NSL1: variants seen among roughly 807,000 people sequenced by gnomAD.
NSL1 encodes the protein kinetochore-associated protein NSL1 homolog.
NSL1 carries 11 observed loss-of-function variants against 25.4 expected under a neutral mutation model. The ratio of observed to expected loss-of-function variants is 0.43; its 90% CI spans 0.27 to 0.72. The LOEUF is 0.72. Ranked by LOEUF, NSL1 falls within the 30% of genes least tolerant of loss-of-function variation. The pLI is 0.19. For missense variants in NSL1, 330 were observed against 342.7 expected (o/e 0.96, Z 0.29); for synonymous variants, 118 against 120.6 (o/e 0.98, Z 0.14).
chr1:212,782,942 A>G (rs1660790241), intron 3 of NSL1, among the ~76,000 whole-genome samples: 1 of 152,170 alleles, frequency 6.6e-6, no homozygotes, highest in Admixed American at 6.5e-5. Flanking sequence ...AGAAAGAGGA[A>G]ATTGCTCTTC....
intron 4 of NSL1, among the ~76,000 whole-genome samples, chr1:212,742,935 C>CAA (rs1658569383): frequency 6.6e-6 from 1 of 152,112 alleles, no homozygotes; most frequent in Non-Finnish European, 1.5e-5. Flanking sequence ...AATTCAGTAA[C>CAA]ATTTGGTTCT....
chr1:212,745,407 A>AT (rs1451625666), intron 4 of NSL1, among the ~76,000 whole-genome samples: 1 of 152,096 alleles, frequency 6.6e-6, no homozygotes, highest in Non-Finnish European at 1.5e-5. Flanking sequence ...GGAAAGCCAC[A>AT]TCAAGATACA....
At position 212,738,434 on chromosome 1, in the gene NSL1, G is replaced by A; in HGVS notation, c.820C>T (p.Pro274Ser). Residue 274 changes from proline to serine, a missense_variant, in exon 6 of 6, where the codon CCA becomes TCA. By Grantham distance (74) the Pro-to-Ser change is moderately conservative. Coordinates refer to ENST00000366977, the MANE Select transcript of NSL1 (RefSeq NM_015471.4). ...CATGTATCAAGATTAATTTTCTTTGGCCGCAATGGATACCATTTTCTCTGG... is the reference window on the plus strand; with the variant it reads ...CATGTATCAAGATTAATTTTCTTTGACCGCAATGGATACCATTTTCTCTGG... ...CPQRKWYPLR[P>S]KKINLDT 8.7e-6 allele frequency: 14 copies of A among 1,612,432 alleles called. No individual in the cohort carries two copies. Among genetic ancestry groups the A allele is most frequent in the Non-Finnish European group, 1.2e-5 (14 of 1,179,498 alleles).
At position 212,727,361 on chromosome 1, in the gene NSL1, G is replaced by T. The variant is rs1304547814; in HGVS notation, c.*11047C>A. 20 of 985,304 alleles carry T rather than the reference G, an allele frequency of 2.0e-5. No individual in the cohort carries two copies. Among genetic ancestry groups the T allele is most frequent in the Non-Finnish European group, 2.4e-5 (20 of 829,930 alleles). The allele number at this position is 985,304 out of a possible 1,614,324, so 61.0% of individuals were successfully genotyped here. A position where few individuals can be genotyped will look rare whatever the true frequency, so the allele number is the denominator to read the frequency against. On this transcript the variant is annotated 3_prime_UTR_variant, in exon 6 of 6. Transcript: ENST00000366977. The stretch of plus-strand genomic sequence containing the variant: ...AGTCCTGGCACTCAGCACATGGCAG[G>T]AAGGTCACTTAACCAGGGAAATAAG...
intron 4 of NSL1, among the ~76,000 whole-genome samples, chr1:212,743,406 G>A (rs6669492): frequency 0.41 from 61,414 of 150,896 alleles, 14,115 homozygotes; most frequent in Non-Finnish European, 0.51. Context: ...CTTGTGATCC[G>A]CCCGCCTTGG....
At chr1:212,774,341 A>G (rs115701686) in intron 4 of NSL1, among the ~76,000 whole-genome samples, 3,467 of 152,356 alleles carry the variant, frequency 0.023, 63 homozygotes, top group South Asian at 0.041. Context: ...ATGTATCAAA[A>G]TATCACATGT....
Position 212,779,712 on chromosome 1 carries a change from C to T in NSL1, c.499+2660G>A, listed in dbSNP as rs1305773167. Among the ~76,000 whole-genome samples, 238 of 88,986 alleles carry T rather than the reference C, an allele frequency of 2.7e-3. 32 individuals are homozygous for T. The highest frequency in any genetic ancestry group is 0.01 in the African/African-American group (228 of 22,346). 58.4% of individuals were successfully genotyped at this position (88,986 alleles called of 152,430 possible). On this transcript the variant is annotated intron_variant, in intron 4 of 5. Coordinates refer to ENST00000366977, the MANE Select transcript of NSL1 (RefSeq NM_015471.4). ...TGAGGAGCCCCACTGCCCGGCCAGC[C>T]GCCCCATCCGGGAGGGAGGTGGGGG...
At chr1:212,785,672 G>A (rs958177530) in intron 2 of NSL1, among the ~76,000 whole-genome samples, 3 of 152,138 alleles carry the variant, frequency 2.0e-5, no homozygotes, top group Admixed American at 1.3e-4. Flanking sequence ...TGAAAGGAAT[G>A]TAGGTGATCC....
intron 4 of NSL1, chr1:212,782,042 G>A (rs1305519967): frequency 5.3e-6 from 3 of 570,288 alleles, no homozygotes; most frequent in Non-Finnish European, 1.0e-5. Flanking sequence ...TAATAGTATA[G>A]CTTTGGCTGT....
At chr1:212,780,500 TAA>T (rs1285748863) in intron 4 of NSL1, among the ~76,000 whole-genome samples, 7 of 80,432 alleles carry the variant, frequency 8.7e-5, no homozygotes, top group African/African-American at 1.2e-4. Flanking sequence ...GAATGATCAA[TAA>T]AAAAAAAAAA....
chr1:212,728,965 G>T lies in NSL1; in HGVS notation c.*9443C>A. The T allele has an allele frequency of 2.0e-6, 2 of 985,338 alleles. No individual in the cohort carries two copies. Among genetic ancestry groups the T allele is most frequent in the Non-Finnish European group, 2.4e-6 (2 of 829,888 alleles). 61.0% of individuals were successfully genotyped at this position (985,338 alleles called of 1,614,324 possible). On this transcript the variant is annotated 3_prime_UTR_variant, in exon 6 of 6. Coordinates refer to ENST00000366977, the MANE Select transcript of NSL1 (RefSeq NM_015471.4). ...GTTCCCTTTGAATATGAAAGAAAAA[G>T]AAATGAGGAGTAATTTTAGTAAGGA...
chr1:212,750,066 A>G (rs923616996), intron 4 of NSL1, among the ~76,000 whole-genome samples: 1 of 151,732 alleles, frequency 6.6e-6, no homozygotes, highest in Non-Finnish European at 1.5e-5. Context: ...ATTCTCATTT[A>G]GCTTCCAGAA....
chr1:212,741,406 C>G (rs1658499464), intron 4 of NSL1, among the ~76,000 whole-genome samples: 2 of 152,110 alleles, frequency 1.3e-5, no homozygotes, highest in African/African-American at 4.8e-5. Context: ...GAATCATAAT[C>G]CCAATGTTAG....
At chr1:212,752,229 G>T (rs541068060) in intron 4 of NSL1, among the ~76,000 whole-genome samples, 1 of 152,064 alleles carries the variant, frequency 6.6e-6, no homozygotes, top group South Asian at 2.1e-4. Flanking sequence ...GCCTGTAAAG[G>T]GTTGCCTAGA....
Position 212,732,123 on chromosome 1 carries a change from A to G in NSL1, c.*6285T>C. The G allele has an allele frequency of 1.0e-6, 1 of 982,978 alleles. No individual in the cohort carries two copies. Among genetic ancestry groups the G allele is most frequent in the Non-Finnish European group, 1.2e-6 (1 of 828,820 alleles). 60.9% of individuals were successfully genotyped at this position (982,978 alleles called of 1,614,324 possible). A position where few individuals can be genotyped will look rare whatever the true frequency, so the allele number is the denominator to read the frequency against. ...ACTGGAGAACTAATTTGTAACCATG[A>G]TTACATTTCTTTTTTTGTACAGCTT... On this transcript the variant is annotated 3_prime_UTR_variant, in exon 6 of 6. Transcript: ENST00000366977.
Position 212,736,976 on chromosome 1 carries a change from C to G in NSL1, c.*1432G>C. 1.0e-6 allele frequency: 1 copy of G among 984,456 alleles called. No individual in the cohort carries two copies. Among genetic ancestry groups the G allele is most frequent in the Non-Finnish European group, 1.2e-6 (1 of 829,112 alleles). 61.0% of individuals were successfully genotyped at this position (984,456 alleles called of 1,614,324 possible). A position where few individuals can be genotyped will look rare whatever the true frequency, so the allele number is the denominator to read the frequency against. On this transcript the variant is annotated 3_prime_UTR_variant, in exon 6 of 6. Coordinates refer to ENST00000366977, the MANE Select transcript of NSL1 (RefSeq NM_015471.4). Reference sequence around the variant, plus strand: ...TTGTTTGGGGACCTCTGAAGTGAAACAAATCATACAGAATTTTAATACTAT... The same window carrying G: ...TTGTTTGGGGACCTCTGAAGTGAAAGAAATCATACAGAATTTTAATACTAT...
rs934340931 is a variant in NSL1, at chr1:212,727,576, C to T, written c.*10832G>A. The T allele has an allele frequency of 1.9e-5, 19 of 985,298 alleles. No individual in the cohort carries two copies. The African/African-American group carries it at 3.3e-4, about 17-fold the overall frequency. 61.0% of individuals were successfully genotyped at this position (985,298 alleles called of 1,614,324 possible). A position where few individuals can be genotyped will look rare whatever the true frequency, so the allele number is the denominator to read the frequency against. On this transcript the variant is annotated 3_prime_UTR_variant, in exon 6 of 6. Coordinates refer to ENST00000366977, the MANE Select transcript of NSL1 (RefSeq NM_015471.4). ...GTGTGCCACATACTTCTCTCAAAAA[C>T]TTTATGACTCAGTTGTCTGGAAGTT...
In NSL1 at chr1:212,726,448, G is replaced by C. The variant is rs1657790335; in HGVS notation, c.*11960C>G. 6.6e-6 allele frequency: 1 copy of C among 152,240 alleles called. No individual in the cohort carries two copies. Among genetic ancestry groups the C allele is most frequent in the Non-Finnish European group, 1.5e-5 (1 of 68,098 alleles). The allele number at this position is 152,240 out of a possible 1,614,324, so 9.4% of individuals were successfully genotyped here. ...GACTTGGTATTTTTCAGATTTCCCT[G>C]CTGTTTATCAAGATGGCATATGGGT... On this transcript the variant is annotated 3_prime_UTR_variant, in exon 6 of 6. Coordinates refer to ENST00000366977, the MANE Select transcript of NSL1 (RefSeq NM_015471.4).
chr1:212,731,494 G>T lies in NSL1; in HGVS notation c.*6914C>A, dbSNP rs1658014452. ...TGAAACCCCGAGAAAGGTTCTAGGG[G>T]ATGATTTGTCTCTTAAACCAAATTT... On this transcript the variant is annotated 3_prime_UTR_variant, in exon 6 of 6. Transcript: ENST00000366977. 1 of 985,202 alleles carries T rather than the reference G, an allele frequency of 1.0e-6. No homozygotes were observed. The highest frequency in any genetic ancestry group is 1.7e-5 in the African/African-American group (1 of 57,206). 61.0% of individuals were successfully genotyped at this position (985,202 alleles called of 1,614,324 possible).
Sources: gnomAD v4.1 joint callset for allele counts (sites outside exome capture counted in the v4.1 genomes callset) on GRCh38, gnomAD v4.1.1 for gene constraint, MANE v1.5 for transcripts, NCBI Gene and HGNC (gene_info 2026-07-23, HGNC 2026-07-21) for gene names.